SUGCT: variants seen among roughly 807,000 people sequenced by gnomAD.
SUGCT encodes the protein succinyl-CoA:glutarate CoA-transferase.
Under a neutral mutation model 55.0 loss-of-function variants are expected in SUGCT, and 41 were observed. The ratio of observed to expected loss-of-function variants is 0.74; its 90% CI spans 0.58 to 0.97. SUGCT has a LOEUF of 0.97. Among genes scored for constraint, SUGCT ranks in the 50% least tolerant of loss-of-function variants. The pLI, the probability that SUGCT is intolerant of heterozygous loss-of-function variation, is 0.00. For missense variants in SUGCT, 568 were observed against 547.8 expected, an observed-to-expected ratio of 1.04 and a Z score of -0.37; for synonymous variants, 187 against 200.4, an observed-to-expected ratio of 0.93 and a Z score of 0.56.
At chr7:40,741,135 G>T (rs576003929) in intron 12 of SUGCT, among the ~76,000 whole-genome samples, 5 of 151,754 alleles carry the variant, frequency 3.3e-5, no homozygotes, top group Non-Finnish European at 7.4e-5. Flanking sequence ...ATAATTAGCC[G>T]AGTGTGGTGG....
intron 7 of SUGCT, among the ~76,000 whole-genome samples, chr7:40,260,525 T>C (rs1376020346): frequency 2.0e-5 from 3 of 152,222 alleles, no homozygotes; most frequent in Non-Finnish European, 2.9e-5. Context: ...TCTTATTAGG[T>C]AAAACCTTGT....
the SUGCT span, among the ~76,000 whole-genome samples, chr7:40,889,189 G>C: frequency 5.3e-5 from 8 of 152,162 alleles, no homozygotes; most frequent in Non-Finnish European, 8.8e-5. Flanking sequence ...TAAAAGCGTG[G>C]ACCCTGGTGG....
At chr7:40,754,125 T>C (rs548285709) in intron 13 of SUGCT, among the ~76,000 whole-genome samples, 7 of 152,332 alleles carry the variant, frequency 4.6e-5, no homozygotes, top group Non-Finnish European at 8.8e-5. Flanking sequence ...AATGCTATTG[T>C]TCTTTATTTA....
chr7:40,802,556 C>T (rs1243606255), intron 13 of SUGCT, among the ~76,000 whole-genome samples: 1 of 152,140 alleles, frequency 6.6e-6, no homozygotes, highest in Non-Finnish European at 1.5e-5. Flanking sequence ...ATGTAAACAC[C>T]TTCCCCAGCA....
At position 40,508,770 on chromosome 7, in the gene SUGCT, G is replaced by C. The variant is rs1391624010; in HGVS notation, c.1089+12384G>C. ...GCTAAGAAGAGGGTATATTTCAAAAGTCCTGTCCTGCACACTTTACCCTGC... is the reference window on the plus strand; with the variant it reads ...GCTAAGAAGAGGGTATATTTCAAAACTCCTGTCCTGCACACTTTACCCTGC... On this transcript the variant is annotated intron_variant, in intron 12 of 13. Coordinates refer to ENST00000335693, the MANE Select transcript of SUGCT (RefSeq NM_001193313.2). 2.6e-5 allele frequency among the ~76,000 whole-genome samples: 4 copies of C among 152,114 alleles called. No individual in the cohort carries two copies. The East Asian group carries it at 5.8e-4, about 22-fold the overall frequency.
intron 7 of SUGCT, among the ~76,000 whole-genome samples, chr7:40,264,879 C>G (rs1324944803): frequency 1.3e-5 from 2 of 152,126 alleles, no homozygotes; most frequent in African/African-American, 2.4e-5. Flanking sequence ...GACAGGTGTC[C>G]CATCATCACA....
At chr7:40,732,827 C>A (rs1412104052) in intron 12 of SUGCT, among the ~76,000 whole-genome samples, 1 of 152,164 alleles carries the variant, frequency 6.6e-6, no homozygotes, top group African/African-American at 2.4e-5. Flanking sequence ...TGAGCCAACA[C>A]GCCTGTAATC....
the SUGCT span, among the ~76,000 whole-genome samples, chr7:41,010,847 G>C: frequency 6.6e-6 from 1 of 152,164 alleles, no homozygotes; most frequent in African/African-American, 2.4e-5. Context: ...GAAATCATGG[G>C]ATAAATGTAT....
intron 12 of SUGCT, among the ~76,000 whole-genome samples, chr7:40,560,358 A>G (rs1219614464): frequency 6.6e-6 from 1 of 152,234 alleles, no homozygotes; most frequent in East Asian, 1.9e-4. Context: ...TGTAGAAAAT[A>G]AAATGTCCAA....
chr7:40,794,645 T>C (rs977930445), intron 13 of SUGCT, among the ~76,000 whole-genome samples: 3 of 152,134 alleles, frequency 2.0e-5, no homozygotes, highest in African/African-American at 7.2e-5. Flanking sequence ...TCGGAACTCA[T>C]TTAATATTTT....
intron 12 of SUGCT, among the ~76,000 whole-genome samples, chr7:40,544,247 A>G (rs67309967): frequency 0.14 from 20,543 of 151,546 alleles, 1,521 homozygotes; most frequent in Middle Eastern, 0.19. Context: ...TTTTTCCTCC[A>G]TAACCCAGGA....
intron 1 of SUGCT, among the ~76,000 whole-genome samples, chr7:40,141,638 A>C (rs1281497319): frequency 8.0e-6 from 1 of 124,450 alleles, no homozygotes. Flanking sequence ...ACTCCATCTC[A>C]AAAAAAAAAA....
chr7:40,354,360 C>T lies in SUGCT; in HGVS notation c.816+37505C>T, dbSNP rs542860871. ...TGGGAAAAGCAGGGATCTGTCACCT[C>T]GCCATACAGCCAAAGGGACAAGAAG... On this transcript the variant is annotated intron_variant, in intron 9 of 13. Transcript: ENST00000335693. Among the ~76,000 whole-genome samples the T allele has an allele frequency of 7.2e-5, 11 of 152,224 alleles. No homozygotes were observed. The South Asian group carries it at 1.0e-3, about 14-fold the overall frequency.
chr7:40,916,233 G>A, the SUGCT span, among the ~76,000 whole-genome samples: 1 of 152,056 alleles, frequency 6.6e-6, no homozygotes, highest in African/African-American at 2.4e-5. Context: ...CTAATATTTT[G>A]TATGGGATCT....
chr7:40,284,485 G>A (rs1266375052), intron 8 of SUGCT, among the ~76,000 whole-genome samples: 2 of 151,696 alleles, frequency 1.3e-5, no homozygotes, highest in East Asian at 3.9e-4. Context: ...GCGGGCACCT[G>A]TAATCCCAGC....
intron 12 of SUGCT, among the ~76,000 whole-genome samples, chr7:40,574,756 A>G (rs953244402): frequency 6.6e-6 from 1 of 152,142 alleles, no homozygotes; most frequent in Non-Finnish European, 1.5e-5. Flanking sequence ...AATCTTCCAA[A>G]AGATTATGAA....
intron 12 of SUGCT, among the ~76,000 whole-genome samples, chr7:40,663,885 G>A (rs1801463958): frequency 6.6e-6 from 1 of 152,092 alleles, no homozygotes; most frequent in South Asian, 2.1e-4. Flanking sequence ...TTCACATATT[G>A]AAGTCCTATC....
At chr7:40,775,704 T>C (rs1052422268) in intron 13 of SUGCT, 2 of 152,166 alleles carry the variant, frequency 1.3e-5, no homozygotes, top group African/African-American at 4.8e-5. Context: ...TGGATTTAAG[T>C]GTAAGGTGAG....
intron 12 of SUGCT, among the ~76,000 whole-genome samples, chr7:40,607,014 G>A (rs1020942633): frequency 2.0e-5 from 3 of 152,066 alleles, no homozygotes; most frequent in South Asian, 4.1e-4. Flanking sequence ...AGGGAGGAAT[G>A]TAGAGATCAT....
Sources: gnomAD v4.1 joint callset for allele counts (sites outside exome capture counted in the v4.1 genomes callset) on GRCh38, gnomAD v4.1.1 for gene constraint, MANE v1.5 for transcripts, NCBI Gene and HGNC (gene_info 2026-07-23, HGNC 2026-07-21) for gene names.